NPTN: variants seen among roughly 807,000 people sequenced by gnomAD.
NPTN encodes SDR-1.
A neutral mutation model predicts 42.7 loss-of-function variants in NPTN; 5 were observed. That is an observed-to-expected ratio of 0.12 (90% CI 0.06 to 0.25). The LOEUF (loss-of-function observed/expected upper bound fraction) is 0.25, where lower values mean the gene tolerates loss of function less well. NPTN is among the 10% of genes least tolerant of loss of function. The pLI is 1.00. For missense variants in NPTN, 307 were observed against 525.4 expected (o/e 0.58, Z 4.06); for synonymous variants, 180 against 201.9 (o/e 0.89, Z 0.92).
chr15:73,598,518 T>G (rs1264722531), intron 1 of NPTN, among the ~76,000 whole-genome samples: 1 of 150,748 alleles, frequency 6.6e-6, no homozygotes, highest in African/African-American at 2.4e-5. Context: ...TGGAGTTAGG[T>G]CCATAGGAAA....
At chr15:73,610,393 C>T (rs1897519333) in intron 1 of NPTN, among the ~76,000 whole-genome samples, 1 of 152,162 alleles carries the variant, frequency 6.6e-6, no homozygotes, top group Non-Finnish European at 1.5e-5. Context: ...ACTGTACTGG[C>T]CTACTTTTTA....
At chr15:73,626,703 T>C (rs1479045840) in intron 1 of NPTN, among the ~76,000 whole-genome samples, 1 of 152,208 alleles carries the variant, frequency 6.6e-6, no homozygotes, top group African/African-American at 2.4e-5. Flanking sequence ...TGACATTTCG[T>C]TATGCATTTT....
intron 4 of NPTN, among the ~76,000 whole-genome samples, chr15:73,576,981 T>C (rs1408090599): frequency 6.6e-6 from 1 of 152,200 alleles, no homozygotes; most frequent in African/African-American, 2.4e-5. Context: ...TATACTGTTG[T>C]TAGCTGTTCT....
In NPTN at chr15:73,570,022, G is replaced by C; in HGVS notation, c.1114+128C>G. The C allele has an allele frequency of 1.2e-6, 1 of 851,124 alleles. No homozygotes were observed. The highest frequency in any genetic ancestry group is 1.7e-6 in the Non-Finnish European group (1 of 597,322). The allele number at this position is 851,124 out of a possible 1,614,324, so 52.7% of individuals were successfully genotyped here. On this transcript the variant is annotated intron_variant, in intron 6 of 8. Transcript: ENST00000345330. The surrounding 1 kb of genome is among the most constrained non-coding windows in gnomAD (Gnocchi z 4.0). The stretch of plus-strand genomic sequence containing the variant: ...CTTACGGGTAGGGGGTTAGGAACTG[G>C]TATAAGAATTTTCCTTCTTTCCTTT...
At chr15:73,593,644 C>A (rs1595930210) in intron 2 of NPTN, among the ~76,000 whole-genome samples, 1 of 152,186 alleles carries the variant, frequency 6.6e-6, no homozygotes, top group African/African-American at 2.4e-5. Context: ...GTCTTAAGGA[C>A]CTCCTAACCG....
At chr15:73,604,291 CTG>C (rs752307199) in intron 1 of NPTN, among the ~76,000 whole-genome samples, 2 of 152,100 alleles carry the variant, frequency 1.3e-5, no homozygotes, top group Non-Finnish European at 2.9e-5. Context: ...CGGCAAAAAA[CTG>C]TCTCTTCAAA....
intron 1 of NPTN, among the ~76,000 whole-genome samples, chr15:73,631,378 A>G (rs1898734192): frequency 6.6e-6 from 1 of 152,218 alleles, no homozygotes; most frequent in Non-Finnish European, 1.5e-5. Flanking sequence ...AAAAATACCC[A>G]ATACACTTAG....
At chr15:73,599,318 C>G (rs1187276850) in intron 1 of NPTN, among the ~76,000 whole-genome samples, 2 of 151,950 alleles carry the variant, frequency 1.3e-5, no homozygotes, top group African/African-American at 4.8e-5. Flanking sequence ...CTAATATAAA[C>G]AAAGAAGTAA....
chr15:73,599,551 T>A (rs1204599229), intron 1 of NPTN: 1 of 150,668 alleles, frequency 6.6e-6, no homozygotes, highest in Non-Finnish European at 1.5e-5. Context: ...GAGGCGGAGG[T>A]TGCAGTGAGC....
intron 3 of NPTN, among the ~76,000 whole-genome samples, chr15:73,590,006 C>T (rs1896508277): frequency 6.6e-6 from 1 of 151,784 alleles, no homozygotes. Flanking sequence ...GTTCCTTCCT[C>T]AAACTCAGCC....
At chr15:73,630,869 T>C (rs1258522557) in intron 1 of NPTN, among the ~76,000 whole-genome samples, 2 of 152,256 alleles carry the variant, frequency 1.3e-5, no homozygotes, top group African/African-American at 2.4e-5. Flanking sequence ...AGACATGTTA[T>C]ATAGAAAGCT....
intron 1 of NPTN, among the ~76,000 whole-genome samples, chr15:73,629,856 A>G (rs1898641108): frequency 6.6e-6 from 1 of 152,078 alleles, no homozygotes; most frequent in Non-Finnish European, 1.5e-5. Context: ...AAGAAAAAAA[A>G]AAGCCATAAA....
At chr15:73,610,358 A>C (rs947628575) in intron 1 of NPTN, among the ~76,000 whole-genome samples, 9 of 152,178 alleles carry the variant, frequency 5.9e-5, no homozygotes, top group African/African-American at 2.2e-4. Flanking sequence ...GACCTCCCAA[A>C]GTACTGGGAT....
At chr15:73,629,354 C>T (rs1898606686) in intron 1 of NPTN, among the ~76,000 whole-genome samples, 1 of 152,096 alleles carries the variant, frequency 6.6e-6, no homozygotes, top group South Asian at 2.1e-4. Flanking sequence ...GCCACAGCTG[C>T]CATAGATAAG....
intron 1 of NPTN, among the ~76,000 whole-genome samples, chr15:73,618,055 G>A (rs1300921011): frequency 2.6e-5 from 4 of 152,168 alleles, no homozygotes; most frequent in Admixed American, 6.5e-5. Context: ...AACGTTTCAC[G>A]TATGCTACTC....
At position 73,560,850 on chromosome 15, in the gene NPTN, C is replaced by A. The variant is rs1227718902; in HGVS notation, c.*213G>T. On this transcript the variant is annotated 3_prime_UTR_variant, in exon 9 of 9. Transcript: ENST00000345330. ...AAAGCAACATTCACAGCACATCAAG[C>A]CCAAAATAGTTTACACCTTCTACAC... is the stretch of plus-strand genomic sequence containing the variant. 1.3e-5 allele frequency: 2 copies of A among 151,912 alleles called. No individual in the cohort carries two copies. The highest frequency in any genetic ancestry group is 4.8e-5 in the African/African-American group (2 of 41,286). The allele number at this position is 151,912 out of a possible 1,614,324, so 9.4% of individuals were successfully genotyped here.
chr15:73,602,139 G>T (rs1464276554), intron 1 of NPTN, among the ~76,000 whole-genome samples: 1 of 149,174 alleles, frequency 6.7e-6, no homozygotes, highest in East Asian at 2.0e-4. Context: ...GCCCTATATA[G>T]GAGAGACTAT....
In NPTN at chr15:73,603,009, A is replaced by G. The variant is rs1269182493; in HGVS notation, c.92-5640T>C. On this transcript the variant is annotated intron_variant, in intron 1 of 8. Coordinates refer to ENST00000345330, the MANE Select transcript of NPTN (RefSeq NM_012428.4). The stretch of plus-strand genomic sequence containing the variant: ...AAATAGGGGAATCTAGTTCATGCCA[A>G]GAGAAACTACATAGTTTAGTGACCA... Among the ~76,000 whole-genome samples, 3 of 152,234 alleles carry G rather than the reference A, an allele frequency of 2.0e-5. No individual in the cohort carries two copies. The East Asian group carries it at 5.8e-4, about 29-fold the overall frequency.
intron 1 of NPTN, among the ~76,000 whole-genome samples, chr15:73,623,926 A>C (rs1898266891): frequency 6.6e-6 from 1 of 152,144 alleles, no homozygotes; most frequent in African/African-American, 2.4e-5. Flanking sequence ...TCTTAATACT[A>C]AACCTATGCT....
Sources: allele counts gnomAD v4.1 joint callset (sites outside exome capture counted in the v4.1 genomes callset), GRCh38; gene constraint gnomAD v4.1.1; non-coding constraint Gnocchi (gnomAD v3.1); transcripts MANE v1.5; gene names NCBI Gene and HGNC (gene_info 2026-07-23, HGNC 2026-07-21).